Variants in HCRTR2 observed in about 807,000 individuals in gnomAD.
HCRTR2 encodes orexin receptor type 2.
HCRTR2 carries 22 observed loss-of-function variants against 49.0 expected under a neutral mutation model. The ratio of observed to expected loss-of-function variants is 0.45; its 90% confidence interval spans 0.32 to 0.64. The LOEUF (loss-of-function observed/expected upper bound fraction) is 0.64, where lower values mean the gene tolerates loss of function less well. Among genes scored for constraint, HCRTR2 ranks in the 30% least tolerant of loss-of-function variants. The pLI is 0.04. For missense variants in HCRTR2, 491 were observed against 559.4 expected (o/e 0.88, Z 1.23); for synonymous variants, 236 against 205.3 (o/e 1.15, Z -1.28).
intron 1 of HCRTR2, among the ~76,000 whole-genome samples, chr6:55,176,645 AAAATGACGTATT>A (rs1408938127): frequency 6.6e-6 from 1 of 152,242 alleles, no homozygotes; most frequent in Non-Finnish European, 1.5e-5. Flanking sequence ...TTAGAGAAAT[AAAATGACGTATT>A]AAGGGACATA....
At chr6:55,110,300 A>G (rs1031073074) in intron 1 of HCRTR2, among the ~76,000 whole-genome samples, 1 of 152,056 alleles carries the variant, frequency 6.6e-6, no homozygotes, top group African/African-American at 2.4e-5. Flanking sequence ...CTATAAAACA[A>G]TAACACAACA....
Position 55,186,704 on chromosome 6 carries a change from C to A in HCRTR2, c.223+11894C>A, listed in dbSNP as rs370066478. ...TTGGTTGTTTTTATAAAAGTCTAAGCAAATACTTAATGAACTGTGTCCCAA... is the reference window on the plus strand; with the variant it reads ...TTGGTTGTTTTTATAAAAGTCTAAGAAAATACTTAATGAACTGTGTCCCAA... On this transcript the variant is annotated intron_variant, in intron 1 of 6. Transcript: ENST00000370862. Among the ~76,000 whole-genome samples, 22 of 152,272 alleles carry A rather than the reference C, an allele frequency of 1.4e-4. No individual in the cohort carries two copies. In the East Asian group the frequency reaches 4.1e-3, roughly 28 times the overall value.
At chr6:55,127,760 T>C (rs1764301253) in intron 1 of HCRTR2, among the ~76,000 whole-genome samples, 1 of 152,156 alleles carries the variant, frequency 6.6e-6, no homozygotes, top group Non-Finnish European at 1.5e-5. Flanking sequence ...TCAAGGCATG[T>C]CATATGCTTG....
chr6:55,150,290 G>T (rs1437195040), intron 1 of HCRTR2, among the ~76,000 whole-genome samples: 1 of 150,996 alleles, frequency 6.6e-6, no homozygotes, highest in Non-Finnish European at 1.5e-5. Context: ...ACCTCCAAAA[G>T]ATTCCTCCTA....
At chr6:55,129,055 T>C (rs1764319145) in intron 1 of HCRTR2, among the ~76,000 whole-genome samples, 1 of 152,168 alleles carries the variant, frequency 6.6e-6, no homozygotes, top group South Asian at 2.1e-4. Context: ...TTTATTTTGG[T>C]CGTCTCTTTG....
chr6:55,277,712 A>C, intron 5 of HCRTR2, 112 bp downstream of exon 5: 2 of 816,240 alleles, frequency 2.5e-6, no homozygotes, highest in Middle Eastern at 3.5e-4. Flanking sequence ...TTCTGCTTAG[A>C]TACCTTGTCA....
intron 1 of HCRTR2, among the ~76,000 whole-genome samples, chr6:55,207,229 T>A (rs1465258484): frequency 6.6e-6 from 1 of 152,066 alleles, no homozygotes; most frequent in East Asian, 1.9e-4. Context: ...ATTTCACTAA[T>A]ACAATAAGGA....
At chr6:55,113,143 G>C (rs1251886090) in intron 1 of HCRTR2, among the ~76,000 whole-genome samples, 1 of 152,008 alleles carries the variant, frequency 6.6e-6, no homozygotes, top group Admixed American at 6.6e-5. Flanking sequence ...ACAGATCAAA[G>C]ACTTAAATCT....
chr6:55,188,689 A>T (rs966406731), intron 1 of HCRTR2, among the ~76,000 whole-genome samples: 7 of 152,232 alleles, frequency 4.6e-5, no homozygotes, highest in Non-Finnish European at 1.0e-4. Context: ...GGAAATACAG[A>T]AGTGAATGAG....
intron 6 of HCRTR2, among the ~76,000 whole-genome samples, chr6:55,280,719 G>A (rs1470729726): frequency 6.6e-6 from 1 of 152,110 alleles, no homozygotes; most frequent in Non-Finnish European, 1.5e-5. Flanking sequence ...AATCTTACAT[G>A]ACATACTTTA....
chr6:55,250,043 A>G (rs2127313113), intron 2 of HCRTR2, among the ~76,000 whole-genome samples: 1 of 152,292 alleles, frequency 6.6e-6, no homozygotes, highest in East Asian at 1.9e-4. Context: ...AGAGATATTT[A>G]GTTCAATAGT....
At chr6:55,120,672 T>C (rs1428828990) in intron 1 of HCRTR2, among the ~76,000 whole-genome samples, 3 of 151,568 alleles carry the variant, frequency 2.0e-5, no homozygotes, top group Non-Finnish European at 4.4e-5. Flanking sequence ...TAGGGTTTTC[T>C]AAATATACAA....
chr6:55,117,229 C>A (rs1764130820), intron 1 of HCRTR2, among the ~76,000 whole-genome samples: 1 of 151,748 alleles, frequency 6.6e-6, no homozygotes, highest in South Asian at 2.1e-4. Context: ...TCTTTTAAAG[C>A]ACTCAAATAC....
chr6:55,185,813 G>A (rs1765208437), intron 1 of HCRTR2, among the ~76,000 whole-genome samples: 1 of 152,198 alleles, frequency 6.6e-6, no homozygotes, highest in African/African-American at 2.4e-5. Context: ...GATCACTGTA[G>A]CATGATTTCT....
chr6:55,258,989 T>G lies in HCRTR2; in HGVS notation c.646+3610T>G, dbSNP rs181179168. On this transcript the variant is annotated intron_variant, in intron 3 of 6. Transcript: ENST00000370862. ...TCGCTTGAAACCGAAAGGCGGAGGT[T>G]GCAGTGAGCCGAGATCATGGCACTG... Among the ~76,000 whole-genome samples the G allele has an allele frequency of 8.6e-3, 1,315 of 152,202 alleles. 11 individuals carry two copies. Among genetic ancestry groups the G allele is most frequent in the Non-Finnish European group, 0.011 (722 of 68,006 alleles).
In HCRTR2 at chr6:55,117,845, T is replaced by C. The variant is rs550760448; in HGVS notation, c.-378+11300T>C. On this transcript the variant is annotated intron_variant, in intron 1 of 7. Transcript: ENST00000615358. ...TATCCTCTTGCCAGTTACTTCTAATTTTTACTTCCCTCCACAGACTGTTTG... is the reference window on the plus strand; with the variant it reads ...TATCCTCTTGCCAGTTACTTCTAATCTTTACTTCCCTCCACAGACTGTTTG... Among the ~76,000 whole-genome samples, 190 of 149,172 alleles carry C rather than the reference T, an allele frequency of 1.3e-3. 1 individual carries two copies. In the Middle Eastern group the frequency reaches 0.021, roughly 16 times the overall value.
At chr6:55,232,220 A>G (rs890811485) in intron 1 of HCRTR2, among the ~76,000 whole-genome samples, 8 of 152,188 alleles carry the variant, frequency 5.3e-5, no homozygotes, top group African/African-American at 1.9e-4. Context: ...ATACTCATTC[A>G]CTGGGGTGTG....
At chr6:55,275,767 C>T (rs376976686) in intron 4 of HCRTR2, among the ~76,000 whole-genome samples, 3 of 152,108 alleles carry the variant, frequency 2.0e-5, no homozygotes, top group Admixed American at 6.6e-5. Flanking sequence ...TGTGCCACCA[C>T]GCCCAGCTAA....
chr6:55,226,882 C>T (rs9349770), intron 1 of HCRTR2, among the ~76,000 whole-genome samples: 26,075 of 151,682 alleles, frequency 0.17, 2,711 homozygotes, highest in Non-Finnish European at 0.24. Flanking sequence ...CCACGCCCGG[C>T]TAATTGTGAT....
Sources: gnomAD v4.1 joint callset for allele counts (sites outside exome capture counted in the v4.1 genomes callset) on GRCh38, gnomAD v4.1.1 for gene constraint, MANE v1.5 for transcripts, NCBI Gene and HGNC (gene_info 2026-07-23, HGNC 2026-07-21) for gene names.